Variants in DNAJC3 observed in about 807,000 individuals in gnomAD.
DNAJC3 encodes dnaJ homolog subfamily C member 3.
DNAJC3 carries 38 observed loss-of-function variants against 68.6 expected under a neutral mutation model. The observed-to-expected ratio is 0.55, with a 90% CI of 0.43 to 0.73. The LOEUF is 0.73. Among genes scored for constraint, DNAJC3 ranks in the 30% least tolerant of loss-of-function variants. DNAJC3 has a pLI of 0.00. For synonymous variants in DNAJC3, 203 were observed against 204.0 expected, an observed-to-expected ratio of 1.00 and a Z score of 0.04; for missense variants, 526 against 591.9, an observed-to-expected ratio of 0.89 and a Z score of 1.16.
intron 1 of DNAJC3, among the ~76,000 whole-genome samples, chr13:95,699,168 GAAT>G (rs1414774234): frequency 6.6e-6 from 1 of 152,140 alleles, no homozygotes; most frequent in Non-Finnish European, 1.5e-5. Flanking sequence ...CACACCAAAA[GAAT>G]AATAATTAAT....
intron 1 of DNAJC3, among the ~76,000 whole-genome samples, chr13:95,685,795 A>G (rs1001999203): frequency 1.3e-5 from 2 of 150,104 alleles, no homozygotes; most frequent in Admixed American, 6.6e-5. Context: ...GCTAACATCT[A>G]TTTTTTTTTA....
chr13:95,764,333 T>C (rs1882908251), intron 9 of DNAJC3, among the ~76,000 whole-genome samples: 1 of 147,846 alleles, frequency 6.8e-6, no homozygotes, highest in African/African-American at 2.5e-5. Flanking sequence ...CTATATTTTA[T>C]GCACATATAC....
In DNAJC3 at chr13:95,763,424, T is replaced by TAAAAA. The variant is rs1431373540; in HGVS notation, c.849-219_849-218insAAAAA. 3.5e-4 allele frequency among the ~76,000 whole-genome samples: 53 copies of TAAAAA among 152,356 alleles called. No individual in the cohort carries two copies. The East Asian group carries it at 6.2e-3, about 18-fold the overall frequency. On this transcript the variant is annotated intron_variant, in intron 7 of 11. Coordinates refer to ENST00000602402, the MANE Select transcript of DNAJC3 (RefSeq NM_006260.5). ...TCACAGGTATGCTTTGTTCTGTCCATCTGCATCTCCTATGGTCATATGTTT... is the reference window on the plus strand; with the variant it reads ...TCACAGGTATGCTTTGTTCTGTCCATAAAAACTGCATCTCCTATGGTCATATGTTT...
At chr13:95,727,475 C>T (rs1881569258) in intron 4 of DNAJC3, among the ~76,000 whole-genome samples, 1 of 152,106 alleles carries the variant, frequency 6.6e-6, no homozygotes, top group Non-Finnish European at 1.5e-5. Context: ...TTAGCTCTTA[C>T]TATTGTTATA....
chr13:95,787,112 G>C lies in DNAJC3; in HGVS notation c.1314G>C (p.Lys438Asn), dbSNP rs771748365. The C allele has an allele frequency of 6.2e-7, 1 of 1,613,898 alleles. No individual in the cohort carries two copies. The change falls in exon 11 of 12, where the codon AAG becomes AAC. Residue 438 changes from lysine (K) to asparagine (N), a missense_variant. Transcript: ENST00000602402. ...AAGAAAAGAAAAAAGCTGAGAAAAA[G>C]TTCATTGATATAGCAGCTGCTAAAG... is the stretch of plus-strand genomic sequence containing the variant. ...NEEEKKKAEK[K>N]FIDIAAAKEV...
chr13:95,755,190 T>TA (rs1436820920), intron 4 of DNAJC3, among the ~76,000 whole-genome samples: 2 of 152,054 alleles, frequency 1.3e-5, no homozygotes, highest in African/African-American at 4.8e-5. Flanking sequence ...CTCATATGTG[T>TA]AATCCCGTGC....
At chr13:95,786,175 A>G in intron 10 of DNAJC3, 104 bp downstream of exon 10, 1 of 1,229,838 alleles carries the variant, frequency 8.1e-7, no homozygotes, top group Non-Finnish European at 1.1e-6. Flanking sequence ...TACTTATGTA[A>G]TTTCAGTCAT....
At position 95,754,155 on chromosome 13, in the gene DNAJC3, C is replaced by T. The variant is rs145693479; in HGVS notation, c.394-3489C>T. Among the ~76,000 whole-genome samples, 188 of 152,320 alleles carry T rather than the reference C, an allele frequency of 1.2e-3. 1 individual carries two copies. Among genetic ancestry groups the T allele is most frequent in the African/African-American group, 4.3e-3 (178 of 41,582 alleles). ...CTGCTTACTGCAGGGTCATGGCCTA[C>T]AGTCAAGATGTGAGATGGGCTGCAA... On this transcript the variant is annotated intron_variant, in intron 4 of 11. Transcript: ENST00000602402.
rs1250047680 is a variant in DNAJC3 at position 95,792,332 on chromosome 13, A to G, written c.*1302A>G. Reference sequence around the variant, plus strand: ...ATATTGAATATTTATGGCACTCTTGATGCTGCATTTGAAAGCTGAAGGAAT... The same window carrying G: ...ATATTGAATATTTATGGCACTCTTGGTGCTGCATTTGAAAGCTGAAGGAAT... On this transcript the variant is annotated 3_prime_UTR_variant, in exon 12 of 12. Coordinates refer to ENST00000602402, the MANE Select transcript of DNAJC3 (RefSeq NM_006260.5). The G allele has an allele frequency of 6.6e-6, 1 of 152,246 alleles. No homozygotes were observed. Among genetic ancestry groups the G allele is most frequent in the Non-Finnish European group, 1.5e-5 (1 of 68,040 alleles). 9.4% of individuals were successfully genotyped at this position (152,246 alleles called of 1,614,324 possible).
intron 2 of DNAJC3, among the ~76,000 whole-genome samples, chr13:95,716,738 C>T (rs1266833409): frequency 1.3e-5 from 2 of 152,200 alleles, no homozygotes; most frequent in Non-Finnish European, 2.9e-5. Flanking sequence ...GCCATCGCTG[C>T]TCTGCCAGTG....
intron 4 of DNAJC3, among the ~76,000 whole-genome samples, chr13:95,742,321 G>T (rs1161046286): frequency 2.0e-5 from 3 of 152,206 alleles, no homozygotes; most frequent in Non-Finnish European, 4.4e-5. Context: ...TGGGCCCCAG[G>T]GCAGGATGCT....
In DNAJC3 at chr13:95,760,204, C is replaced by T. The variant is rs373253512; in HGVS notation, c.711C>T (p.Asp237=). ...KISTLYYQLG[D]HELSLSEVRE... is the part of the protein sequence containing the mutation. ...GCACACTGTACTACCAACTAGGAGA[C>T]CACGAACTGTCCCTCAGGTCAGTTC... Residue 237 remains aspartate, a synonymous_variant, in exon 6 of 12, where the codon GAC becomes GAT. Coordinates refer to ENST00000602402, the MANE Select transcript of DNAJC3 (RefSeq NM_006260.5). 9 of 1,592,226 alleles carry T rather than the reference C, an allele frequency of 5.7e-6. No individual in the cohort carries two copies. The highest frequency in any genetic ancestry group is 7.7e-6 in the Non-Finnish European group (9 of 1,169,194).
rs1007575790 is a variant in DNAJC3 at position 95,679,795 on chromosome 13, A to T, written c.82+2458A>T. Among the ~76,000 whole-genome samples, 8 of 152,250 alleles carry T rather than the reference A, an allele frequency of 5.3e-5. No homozygotes were observed. In the East Asian group the frequency reaches 1.5e-3, roughly 29 times the overall value. On this transcript the variant is annotated intron_variant, in intron 1 of 11. Transcript: ENST00000602402. ...TGTATATCTCATAATACTATGTTGTAAACATCAAATATATACAATACAATT... is the reference window on the plus strand; with the variant it reads ...TGTATATCTCATAATACTATGTTGTTAACATCAAATATATACAATACAATT...
chr13:95,733,159 A>C (rs1422633559), intron 4 of DNAJC3, among the ~76,000 whole-genome samples: 2 of 152,050 alleles, frequency 1.3e-5, no homozygotes. Context: ...GTTTGGTCTA[A>C]AGTTCAGTTA....
chr13:95,677,580 G>A (rs1298293232), intron 1 of DNAJC3, among the ~76,000 whole-genome samples: 4 of 152,242 alleles, frequency 2.6e-5, no homozygotes, highest in Non-Finnish European at 4.4e-5. Context: ...CGGGCCGCAG[G>A]AGTCGGAGGA....
chr13:95,738,701 T>C (rs1882018600), intron 4 of DNAJC3, among the ~76,000 whole-genome samples: 1 of 152,216 alleles, frequency 6.6e-6, no homozygotes, highest in African/African-American at 2.4e-5. Context: ...TCCTTTTATT[T>C]TGGGCTTATG....
chr13:95,706,932 A>G (rs1363639743), intron 1 of DNAJC3, among the ~76,000 whole-genome samples: 1 of 152,166 alleles, frequency 6.6e-6, no homozygotes, highest in Non-Finnish European at 1.5e-5. Context: ...TTGATCTGAA[A>G]GTTGGATCTG....
rs17886006 is a variant in DNAJC3 at position 95,757,507 on chromosome 13, A to G, written c.394-137A>G. On this transcript the variant is annotated intron_variant, in intron 4 of 11. Transcript: ENST00000602402. ...TCCCTGCTGCATCCAGTCATCAGAC[A>G]AGCCAGTTTTTCCAGTATCTCTTTA... The G allele has an allele frequency of 5.2e-5, 45 of 865,200 alleles. No homozygotes were observed. The East Asian group carries it at 1.2e-3, about 23-fold the overall frequency. 53.6% of individuals were successfully genotyped at this position (865,200 alleles called of 1,614,324 possible). A position where few individuals can be genotyped will look rare whatever the true frequency, so the allele number is the denominator to read the frequency against.
In DNAJC3 at chr13:95,758,864, A is replaced by T. The variant is rs17882918; in HGVS notation, c.546+1068A>T. On this transcript the variant is annotated intron_variant, in intron 5 of 11. Coordinates refer to ENST00000602402, the MANE Select transcript of DNAJC3 (RefSeq NM_006260.5). ...ACTTATGATGTATGTAGAATGGGCA[A>T]TTTGTTGATAATTTTACAGAAGATA... Among the ~76,000 whole-genome samples the T allele has an allele frequency of 3.3e-4, 50 of 152,292 alleles. No individual in the cohort carries two copies. The South Asian group carries it at 5.4e-3, about 16-fold the overall frequency.
Sources: allele counts gnomAD v4.1 joint callset (sites outside exome capture counted in the v4.1 genomes callset), GRCh38; gene constraint gnomAD v4.1.1; transcripts MANE v1.5; gene names NCBI Gene and HGNC (gene_info 2026-07-23, HGNC 2026-07-21).